SRPK2: variants seen among roughly 807,000 people sequenced by gnomAD.
SRPK2 encodes SFRS protein kinase 2.
A neutral mutation model predicts 90.8 loss-of-function variants in SRPK2; 21 were observed. The ratio of observed to expected loss-of-function variants is 0.23; its 90% CI spans 0.16 to 0.33. The LOEUF is 0.33. SRPK2 is among the 10% of genes least tolerant of loss of function. The pLI is 1.00. For synonymous variants in SRPK2, 288 were observed against 311.1 expected (o/e 0.93, Z 0.78); for missense variants, 620 against 869.0 (o/e 0.71, Z 3.60).
intron 2 of SRPK2, among the ~76,000 whole-genome samples, chr7:105,358,580 G>C (rs1818065297): frequency 6.6e-6 from 1 of 151,020 alleles, no homozygotes; most frequent in African/African-American, 2.4e-5. Context: ...CAGTTACTTG[G>C]GGATCTGAGG....
intron 3 of SRPK2, among the ~76,000 whole-genome samples, chr7:105,171,642 T>C (rs1791166207): frequency 6.6e-6 from 1 of 152,148 alleles, no homozygotes; most frequent in Non-Finnish European, 1.5e-5. Context: ...TTAAATTGTG[T>C]TGGATTAGTG....
At chr7:105,343,694 T>C (rs1211545002) in intron 2 of SRPK2, among the ~76,000 whole-genome samples, 2 of 152,226 alleles carry the variant, frequency 1.3e-5, no homozygotes, top group Admixed American at 1.3e-4. Context: ...CAATTATGAT[T>C]ACAAATGAAT....
chr7:105,209,072 CTA>C (rs1449331617), intron 2 of SRPK2, among the ~76,000 whole-genome samples: 7 of 152,142 alleles, frequency 4.6e-5, no homozygotes, highest in African/African-American at 1.7e-4. Context: ...AAACAAATAT[CTA>C]TGTAGAGATT....
exon 1 of SRPK2, chr7:105,399,279 T>C (rs1328298733): frequency 6.6e-6 from 1 of 152,212 alleles, no homozygotes; most frequent in African/African-American, 2.4e-5. Flanking sequence ...TTCACTTGCA[T>C]AGCTGTTGCA....
intron 2 of SRPK2, among the ~76,000 whole-genome samples, chr7:105,325,551 CAAA>C (rs34722293): frequency 4.6e-4 from 33 of 71,476 alleles, no homozygotes; most frequent in Non-Finnish European, 5.9e-4. Context: ...TTTCTCAAGG[CAAA>C]AAAAAAAAAA....
At chr7:105,159,463 A>AAACAAAAAAAAAAAC (rs944230531) in intron 7 of SRPK2, among the ~76,000 whole-genome samples, 1 of 146,522 alleles carries the variant, frequency 6.8e-6, no homozygotes, top group African/African-American at 2.6e-5. Flanking sequence ...AAAAAAAAAA[A>AAACAAAAAAAAAAAC]AAAAAAAAAA....
At chr7:105,202,512 G>A (rs1301062387) in intron 3 of SRPK2, among the ~76,000 whole-genome samples, 1 of 152,200 alleles carries the variant, frequency 6.6e-6, no homozygotes, top group South Asian at 2.1e-4. Context: ...CAGCTGAATA[G>A]TCATTTCTCT....
intron 2 of SRPK2, among the ~76,000 whole-genome samples, chr7:105,290,903 T>A (rs1183836747): frequency 6.7e-6 from 1 of 149,106 alleles, no homozygotes; most frequent in Non-Finnish European, 1.5e-5. Context: ...CCGGGCGCGG[T>A]GGCGGGCGCC....
At chr7:105,217,025 T>G (rs1018850187) in intron 2 of SRPK2, among the ~76,000 whole-genome samples, 4 of 152,202 alleles carry the variant, frequency 2.6e-5, no homozygotes, top group Admixed American at 2.6e-4. Context: ...ATAAAACTGT[T>G]TATTCAGGGT....
intron 2 of SRPK2, among the ~76,000 whole-genome samples, chr7:105,268,265 G>C (rs1171402671): frequency 7.2e-5 from 11 of 152,150 alleles, no homozygotes; most frequent in Admixed American, 7.2e-4. Flanking sequence ...TCCTAGCACA[G>C]ACTTGAAGAA....
At position 105,395,314 on chromosome 7, in the gene SRPK2, A is replaced by AC. The variant is rs565944168; in HGVS notation, n.153+3841dup. Among the ~76,000 whole-genome samples, 59 of 151,576 alleles carry AC rather than the reference A, an allele frequency of 3.9e-4. 1 individual carries two copies. The highest frequency in any genetic ancestry group is 1.1e-3 in the Admixed American group (16 of 15,142). ...AGACTAGCCTGGGGAACATAGTGAG[A>AC]CCCCCCCACCTCTATCAACTAAAAA... On this transcript the variant is annotated intron_variant and non_coding_transcript_variant, in intron 1 of 3. Coordinates refer to the SRPK2 transcript ENST00000462282.
At chr7:105,374,774 T>A (rs1820097833) in intron 2 of SRPK2, among the ~76,000 whole-genome samples, 1 of 152,082 alleles carries the variant, frequency 6.6e-6, no homozygotes, top group Non-Finnish European at 1.5e-5. Context: ...CACGCCCAGC[T>A]ATTTTTGTGT....
chr7:105,194,768 G>A (rs1794715337), intron 3 of SRPK2, among the ~76,000 whole-genome samples: 2 of 152,178 alleles, frequency 1.3e-5, no homozygotes, highest in Admixed American at 1.3e-4. Context: ...CTGGAAGACT[G>A]ACACTACCCA....
chr7:105,271,340 C>T (rs1312866013), intron 2 of SRPK2, among the ~76,000 whole-genome samples: 2 of 152,138 alleles, frequency 1.3e-5, no homozygotes, highest in African/African-American at 4.8e-5. Context: ...ACTGGAAGCC[C>T]CAAACCAAAG....
rs780990313 is a variant in SRPK2, at chr7:105,128,171, T to TA, written c.1753-1110dup. ...CAGGACCACATCTTTTCACCTTTTTTAAAAAAAAAGACTGCCTGTCAATCA... is the reference window on the plus strand; with the variant it reads ...CAGGACCACATCTTTTCACCTTTTTTAAAAAAAAAAGACTGCCTGTCAATCA... On this transcript the variant is annotated intron_variant, in intron 13 of 15. Transcript: ENST00000393651. 1.4e-3 allele frequency among the ~76,000 whole-genome samples: 220 copies of TA among 151,780 alleles called. 4 individuals are homozygous for TA. Among genetic ancestry groups the TA allele is most frequent in the African/African-American group, 4.9e-3 (201 of 41,362 alleles).
chr7:105,138,139 G>GA (rs1039392771), intron 11 of SRPK2, among the ~76,000 whole-genome samples: 6 of 152,236 alleles, frequency 3.9e-5, no homozygotes, highest in Admixed American at 3.9e-4. Context: ...ACTATAAATG[G>GA]AAAAAAGCGG....
intron 2 of SRPK2, among the ~76,000 whole-genome samples, chr7:105,328,163 T>C (rs1689530281): frequency 6.6e-6 from 1 of 152,130 alleles, no homozygotes; most frequent in Non-Finnish European, 1.5e-5. Context: ...CTGGGCTCAC[T>C]CCAATCAAAA....
Position 105,306,495 on chromosome 7 carries a change from CCAA to C in SRPK2, c.71+82150_71+82152del, listed in dbSNP as rs1230679601. ...ATACTTGAACCAGGCAAAAAAAAAACCAACACTTCCTTTGAAATCTCATGAAGG... is the reference window on the plus strand; with the variant it reads ...ATACTTGAACCAGGCAAAAAAAAAACCACTTCCTTTGAAATCTCATGAAGG... On this transcript the variant is annotated intron_variant, in intron 2 of 15. Transcript: ENST00000393651. 1.1e-5 allele frequency: 5 copies of C among 453,506 alleles called. No individual in the cohort carries two copies. The East Asian group carries it at 3.5e-4, about 32-fold the overall frequency. The allele number at this position is 453,506 out of a possible 1,614,324, so 28.1% of individuals were successfully genotyped here.
At chr7:105,389,055 C>G, upstream of SRPK2, 1 of 970,250 alleles carries the variant, frequency 1.0e-6, no homozygotes, top group Non-Finnish European at 1.2e-6. Context: ...CGCCCCGCGC[C>G]CCCGCCCCAC....
Sources: allele counts gnomAD v4.1 joint callset (sites outside exome capture counted in the v4.1 genomes callset), GRCh38; gene constraint gnomAD v4.1.1; transcripts MANE v1.5; gene names NCBI Gene and HGNC (gene_info 2026-07-23, HGNC 2026-07-21).